The following EBF1 variants were observed in gnomAD, a reference collection of about 807,000 sequenced individuals.
EBF1 encodes EBF transcription factor 1.
In EBF1, 10 loss-of-function variants were observed where a neutral mutation model predicts 68.4. The observed-to-expected ratio is 0.15, with a 90% CI of 0.09 to 0.25. The LOEUF (loss-of-function observed/expected upper bound fraction) is 0.25. Among genes scored for constraint, EBF1 ranks in the 10% least tolerant of loss-of-function variants. The pLI is 1.00. For missense variants in EBF1, 509 were observed against 794.4 expected, an observed-to-expected ratio of 0.64 and a Z score of 4.32; for synonymous variants, 298 against 299.8, an observed-to-expected ratio of 0.99 and a Z score of 0.06.
chr5:158,730,980 C>G (rs1205302830), intron 11 of EBF1, 89 bp downstream of exon 11: 1 of 1,208,032 alleles, frequency 8.3e-7, no homozygotes, highest in African/African-American at 1.5e-5. Flanking sequence ...GAGTTGTTTA[C>G]CTGTGAACTA....
At chr5:158,806,187 C>G (rs1411031287) in intron 8 of EBF1, among the ~76,000 whole-genome samples, 1 of 152,044 alleles carries the variant, frequency 6.6e-6, no homozygotes, top group Non-Finnish European at 1.5e-5. Context: ...CTCTGGGTTT[C>G]AACTCTATGA....
At chr5:158,805,133 A>G (rs1042017333) in intron 8 of EBF1, among the ~76,000 whole-genome samples, 6 of 152,154 alleles carry the variant, frequency 3.9e-5, no homozygotes, top group Admixed American at 1.3e-4. Context: ...GGAAATGAAA[A>G]TAACCTTCCA....
In EBF1 at chr5:159,014,299, C is replaced by T. The variant is rs560961888; in HGVS notation, c.554+59097G>A. ...CGAAGGAGAAAATATAGAAAGCAAG[C>T]ATGTTTCTCTAGTGACTATGTTACC... On this transcript the variant is annotated intron_variant, in intron 6 of 15. Transcript: ENST00000313708. Among the ~76,000 whole-genome samples the T allele has an allele frequency of 2.6e-5, 4 of 152,258 alleles. No homozygotes were observed. The East Asian group carries it at 7.7e-4, about 29-fold the overall frequency.
In EBF1 at chr5:159,099,416, G is replaced by A; in HGVS notation, c.63C>T (p.Gly21=). The A allele has an allele frequency of 3.1e-6, 5 of 1,601,852 alleles. No homozygotes were observed. The highest frequency in any genetic ancestry group is 4.3e-6 in the Non-Finnish European group (5 of 1,174,254). ...ACGTCCGCACCGCGTTCATGCCGCT[G>A]CCCAGCGGCTCTTCCTTCATGCTGC... is the stretch of plus-strand genomic sequence containing the variant. ...SGSSMKEEPL[G]SGMNAVRTWM... The change falls in exon 1 of 16, where the codon GGC becomes GGT. Residue 21 remains glycine, a synonymous_variant. Coordinates refer to ENST00000313708, the MANE Select transcript of EBF1 (RefSeq NM_024007.5).
At chr5:158,956,260 C>T (rs1817054993) in intron 6 of EBF1, among the ~76,000 whole-genome samples, 1 of 152,110 alleles carries the variant, frequency 6.6e-6, no homozygotes, top group African/African-American at 2.4e-5. Context: ...GCTGCAGTTT[C>T]CTTTCACTGA....
chr5:158,949,791 C>T (rs1815597414), intron 6 of EBF1, among the ~76,000 whole-genome samples: 1 of 152,242 alleles, frequency 6.6e-6, no homozygotes, highest in African/African-American at 2.4e-5. Context: ...CATACACACC[C>T]TACCCATATT....
chr5:158,830,619 C>G (rs1471872776), intron 7 of EBF1, among the ~76,000 whole-genome samples: 2 of 111,868 alleles, frequency 1.8e-5, no homozygotes, highest in African/African-American at 6.2e-5. Flanking sequence ...TCTGGACTCT[C>G]CTAATACTTC....
intron 15 of EBF1, among the ~76,000 whole-genome samples, chr5:158,701,510 G>A (rs1188082695): frequency 2.6e-5 from 4 of 152,130 alleles, no homozygotes; most frequent in East Asian, 1.9e-4. Flanking sequence ...TTTTTATTTT[G>A]GACCATTGGG....
At chr5:158,708,216 G>T in intron 14 of EBF1, 43 bp from the exon 15 acceptor site, 1 of 1,533,656 alleles carries the variant, frequency 6.5e-7, no homozygotes, top group South Asian at 1.2e-5. Flanking sequence ...GCCTTTCATG[G>T]CATCCTGAAG....
chr5:158,943,478 A>T (rs185331646), intron 6 of EBF1, among the ~76,000 whole-genome samples: 40 of 152,330 alleles, frequency 2.6e-4, no homozygotes, highest in African/African-American at 8.4e-4. Context: ...GAAGTAATTA[A>T]TTCCAGTTGT....
rs1369469645 is a variant in EBF1 at position 158,696,304 on chromosome 5, G to C, written c.*2807C>G. ...GTAAAACTTTTGTGGAGAAGAAAGAGGATCAGAGGGCCAGAATGTCTTTTC... is the reference window on the plus strand; with the variant it reads ...GTAAAACTTTTGTGGAGAAGAAAGACGATCAGAGGGCCAGAATGTCTTTTC... On this transcript the variant is annotated 3_prime_UTR_variant, in exon 16 of 16. Coordinates refer to ENST00000313708, the MANE Select transcript of EBF1 (RefSeq NM_024007.5). 9.1e-6 allele frequency: 2 copies of C among 220,358 alleles called. No homozygotes were observed. Among genetic ancestry groups the C allele is most frequent in the Non-Finnish European group, 1.8e-5 (2 of 110,048 alleles). The allele number at this position is 220,358 out of a possible 1,614,324, so 13.7% of individuals were successfully genotyped here. A position where few individuals can be genotyped will look rare whatever the true frequency, so the allele number is the denominator to read the frequency against.
chr5:159,038,091 T>C (rs1309388733), intron 6 of EBF1, among the ~76,000 whole-genome samples: 2 of 152,196 alleles, frequency 1.3e-5, no homozygotes, highest in African/African-American at 4.8e-5. Context: ...TTTTGCCCCA[T>C]ATCTTTCCTT....
intron 6 of EBF1, among the ~76,000 whole-genome samples, chr5:158,961,735 T>C (rs1312664756): frequency 4.6e-5 from 7 of 152,190 alleles, no homozygotes; most frequent in Non-Finnish European, 1.0e-4. Flanking sequence ...AAAAATCATT[T>C]TAGGAACAAG....
intron 6 of EBF1, among the ~76,000 whole-genome samples, chr5:159,043,886 T>A (rs949916922): frequency 6.6e-6 from 1 of 152,202 alleles, no homozygotes; most frequent in Non-Finnish European, 1.5e-5. Flanking sequence ...CATTCTATCA[T>A]TCTGAATCTT....
intron 6 of EBF1, among the ~76,000 whole-genome samples, chr5:158,851,812 G>A (rs1261657316): frequency 2.0e-5 from 2 of 98,900 alleles, no homozygotes; most frequent in Non-Finnish European, 4.2e-5. Flanking sequence ...GGAGGGAAGG[G>A]AAGGGAATAG....
intron 6 of EBF1, among the ~76,000 whole-genome samples, chr5:159,062,022 TCATAAG>T (rs1775943957): frequency 6.6e-6 from 1 of 152,204 alleles, no homozygotes; most frequent in Non-Finnish European, 1.5e-5. Flanking sequence ...CTACATTATT[TCATAAG>T]CTTTTGGGAA....
chr5:158,953,565 TC>T, intron 6 of EBF1, among the ~76,000 whole-genome samples: 1 of 152,218 alleles, frequency 6.6e-6, no homozygotes, highest in East Asian at 1.9e-4. Context: ...TCATACACTT[TC>T]TTTTTGAGAA....
At chr5:159,088,483 C>T (rs1584532113) in intron 4 of EBF1, among the ~76,000 whole-genome samples, 1 of 152,128 alleles carries the variant, frequency 6.6e-6, no homozygotes, top group Non-Finnish European at 1.5e-5. Context: ...GAAGTTTCTG[C>T]GTTTCTTCCT....
At chr5:159,029,859 C>G (rs1218837421) in intron 6 of EBF1, among the ~76,000 whole-genome samples, 1 of 151,402 alleles carries the variant, frequency 6.6e-6, no homozygotes, top group Non-Finnish European at 1.5e-5. Flanking sequence ...GAGGCTGAGG[C>G]GAGAGTATCA....
Sources: gnomAD v4.1 joint callset for allele counts (sites outside exome capture counted in the v4.1 genomes callset) on GRCh38, gnomAD v4.1.1 for gene constraint, MANE v1.5 for transcripts, NCBI Gene and HGNC (gene_info 2026-07-23, HGNC 2026-07-21) for gene names.